The following CDC73 variants were observed in gnomAD, a reference collection of about 807,000 sequenced individuals.
CDC73 encodes cell division cycle 73, also known as parafibromin.
In CDC73, 21 loss-of-function variants were observed where a neutral mutation model predicts 83.7. That is an observed-to-expected ratio of 0.25 (90% confidence interval 0.18 to 0.36). The LOEUF is 0.36. Among genes scored for constraint, CDC73 ranks in the 10% least tolerant of loss-of-function variants. The pLI is 1.00. For missense variants in CDC73, 342 were observed against 653.3 expected (o/e 0.52, Z 5.19); for synonymous variants, 224 against 212.9 (o/e 1.05, Z -0.45).
At position 193,233,189 on chromosome 1, in the gene CDC73, G is replaced by A. The variant is rs772581546; in HGVS notation, c.1316+35G>A. The A allele has an allele frequency of 1.3e-5, 21 of 1,561,240 alleles. 1 individual carries two copies. The South Asian group carries it at 2.2e-4, about 17-fold the overall frequency. On this transcript the variant is annotated intron_variant, in intron 14 of 16. Coordinates refer to ENST00000367435, the MANE Select transcript of CDC73 (RefSeq NM_024529.5). ...TCTCTATATATATATCTTTTCACAG[G>A]TGTTGAACCCAAGAGAATGAATGTT... is the stretch of plus-strand genomic sequence containing the variant.
At chr1:193,124,818 T>A (rs1044132400) in intron 1 of CDC73, among the ~76,000 whole-genome samples, 1 of 152,242 alleles carries the variant, frequency 6.6e-6, no homozygotes, top group Non-Finnish European at 1.5e-5. Flanking sequence ...ATGGATCTGG[T>A]TAGATTTCTC....
At chr1:193,122,460 G>C (rs1572140075) in intron 1 of CDC73, 129 bp downstream of exon 1, 2 of 1,248,648 alleles carry the variant, frequency 1.6e-6, no homozygotes, top group South Asian at 2.5e-5. Context: ...GGAAAAGAAA[G>C]TTTCTCTCTA....
rs1469776304 is a variant in CDC73, at chr1:193,164,743, T to G, written c.972+12299T>G. Among the ~76,000 whole-genome samples, 3 of 152,210 alleles carry G rather than the reference T, an allele frequency of 2.0e-5. 1 individual carries two copies. The highest frequency in any genetic ancestry group is 7.2e-5 in the African/African-American group (3 of 41,446). Reference sequence around the variant, plus strand: ...CCATTGTGATTTCTATTCCTTGTTGTGTCTGACTAATCCCTTGCCAGATGG... The same window carrying G: ...CCATTGTGATTTCTATTCCTTGTTGGGTCTGACTAATCCCTTGCCAGATGG... On this transcript the variant is annotated intron_variant, in intron 10 of 16. Coordinates refer to ENST00000367435, the MANE Select transcript of CDC73 (RefSeq NM_024529.5).
chr1:193,168,858 T>A (rs770718841), intron 10 of CDC73, among the ~76,000 whole-genome samples: 3 of 152,204 alleles, frequency 2.0e-5, no homozygotes, highest in Non-Finnish European at 2.9e-5. Flanking sequence ...TCATCGACAA[T>A]AGGTAAATGA....
chr1:193,192,374 C>T (rs1479701260), intron 10 of CDC73, among the ~76,000 whole-genome samples: 4 of 152,006 alleles, frequency 2.6e-5, no homozygotes, highest in Admixed American at 2.0e-4. Flanking sequence ...ACCTGGGAGG[C>T]GGAAATTGCA....
At chr1:193,233,233 G>T (rs375813767) in intron 14 of CDC73, 79 bp downstream of exon 14, 2 of 1,370,174 alleles carry the variant, frequency 1.5e-6, no homozygotes, top group Non-Finnish European at 2.1e-6. Context: ...CGTTGATGAC[G>T]TTGCTTTTTA....
At chr1:193,187,305 G>T (rs190892574) in intron 10 of CDC73, among the ~76,000 whole-genome samples, 1 of 151,602 alleles carries the variant, frequency 6.6e-6, no homozygotes, top group Admixed American at 6.6e-5. Context: ...TACATGTATC[G>T]TAGAATTCAG....
At chr1:193,226,244 C>T (rs1677565500) in intron 13 of CDC73, among the ~76,000 whole-genome samples, 1 of 152,040 alleles carries the variant, frequency 6.6e-6, no homozygotes, top group Non-Finnish European at 1.5e-5. Flanking sequence ...TTACAGTTGG[C>T]TGTAAGTATT....
At chr1:193,139,573 CAT>C (rs1675865799) in intron 6 of CDC73, among the ~76,000 whole-genome samples, 1 of 152,090 alleles carries the variant, frequency 6.6e-6, no homozygotes, top group Non-Finnish European at 1.5e-5. Flanking sequence ...TGCTTTATTA[CAT>C]GTCTGCTTTA....
chr1:193,163,312 C>T (rs1433885193), intron 10 of CDC73, among the ~76,000 whole-genome samples: 1 of 151,650 alleles, frequency 6.6e-6, no homozygotes. Context: ...TCGAGACCAG[C>T]TTGGGCAATT....
In CDC73 at chr1:193,250,937, G is replaced by T; in HGVS notation, c.*225G>T. ...GTAATGGAAATTGTATATTTTGATA[G>T]AAGTTTTTTCTCCATTGGTTAAATT... is the stretch of plus-strand genomic sequence containing the variant. On this transcript the variant is annotated 3_prime_UTR_variant, in exon 17 of 17. Coordinates refer to ENST00000367435, the MANE Select transcript of CDC73 (RefSeq NM_024529.5). 1.9e-6 allele frequency: 1 copy of T among 519,944 alleles called. No homozygotes were observed. Among genetic ancestry groups the T allele is most frequent in the South Asian group, 3.1e-5 (1 of 32,754 alleles). 32.2% of individuals were successfully genotyped at this position (519,944 alleles called of 1,614,324 possible).
At chr1:193,122,524 G>A in intron 1 of CDC73, 193 bp downstream of exon 1, 4 of 621,708 alleles carry the variant, frequency 6.4e-6, no homozygotes, top group South Asian at 1.9e-5. Flanking sequence ...CTCTAGAGCA[G>A]TTCATCACTT....
intron 3 of CDC73, 42 bp downstream of exon 3, chr1:193,130,285 G>T: frequency 8.5e-7 from 1 of 1,178,680 alleles, no homozygotes. Flanking sequence ...AACAGACATT[G>T]TTTCTTTTTT....
At chr1:193,174,976 G>A (rs986372315) in intron 10 of CDC73, among the ~76,000 whole-genome samples, 1 of 152,242 alleles carries the variant, frequency 6.6e-6, no homozygotes, top group Middle Eastern at 3.4e-3. Context: ...TCCTTATCCA[G>A]GAATTTTTTG....
At chr1:193,139,308 C>G (rs1019668504) in intron 6 of CDC73, among the ~76,000 whole-genome samples, 5 of 151,446 alleles carry the variant, frequency 3.3e-5, no homozygotes, top group African/African-American at 9.7e-5. Flanking sequence ...CTCTTGTGAC[C>G]CAGGCTGGAG....
chr1:193,194,467 A>G lies in CDC73; in HGVS notation c.973-9328A>G, dbSNP rs569654264. Among the ~76,000 whole-genome samples, 3 of 152,252 alleles carry G rather than the reference A, an allele frequency of 2.0e-5. No homozygotes were observed. In the South Asian group the frequency reaches 6.2e-4, roughly 32 times the overall value. ...ATATTCTTTTAGTTCATGGACCCAT[A>G]TGTTACACAAATGATTATGTGTACC... On this transcript the variant is annotated intron_variant, in intron 10 of 16. Transcript: ENST00000367435.
At chr1:193,136,376 TA>T (rs1424364531) in intron 5 of CDC73, 1 of 172,332 alleles carries the variant, frequency 5.8e-6, no homozygotes, top group East Asian at 1.9e-4. Context: ...AATGTAATCT[TA>T]ATTAAGGATA....
rs188942264 is a variant in CDC73 at position 193,207,736 on chromosome 1, A to G, written c.1030+3884A>G. On this transcript the variant is annotated intron_variant, in intron 11 of 16. Transcript: ENST00000367435. Reference sequence around the variant, plus strand: ...TTCTCTTCTTTTTCAAGGTGCACTGATTTCATATTGTTCAAACACACATGT... The same window carrying G: ...TTCTCTTCTTTTTCAAGGTGCACTGGTTTCATATTGTTCAAACACACATGT... Among the ~76,000 whole-genome samples, 37 of 152,190 alleles carry G rather than the reference A, an allele frequency of 2.4e-4. No homozygotes were observed. The East Asian group carries it at 6.8e-3, about 28-fold the overall frequency.
chr1:193,132,497 G>A (rs1572148177), intron 3 of CDC73, among the ~76,000 whole-genome samples: 1 of 152,012 alleles, frequency 6.6e-6, no homozygotes, highest in Admixed American at 6.5e-5. Flanking sequence ...TTTTCTTTCA[G>A]AGATGGGGTC....
Sources: gnomAD v4.1 joint callset for allele counts (sites outside exome capture counted in the v4.1 genomes callset) on GRCh38, gnomAD v4.1.1 for gene constraint, MANE v1.5 for transcripts, NCBI Gene and HGNC (gene_info 2026-07-23, HGNC 2026-07-21) for gene names.